Variants in ZNF385D observed in about 807,000 individuals in gnomAD.
The protein encoded by ZNF385D is zinc finger protein 659.
In ZNF385D, 15 loss-of-function variants were observed where a neutral mutation model predicts 35.8. That is an observed-to-expected ratio of 0.42 (90% CI 0.28 to 0.64). ZNF385D has a LOEUF of 0.64. Among genes scored for constraint, ZNF385D ranks in the 30% least tolerant of loss-of-function variants. The pLI is 0.23. For missense variants in ZNF385D, 474 were observed against 494.6 expected (o/e 0.96, Z 0.39); for synonymous variants, 212 against 186.8 (o/e 1.13, Z -1.10).
At chr3:22,008,786 T>C (rs920419944) in intron 3 of ZNF385D, among the ~76,000 whole-genome samples, 3 of 152,308 alleles carry the variant, frequency 2.0e-5, no homozygotes, top group African/African-American at 7.2e-5. Context: ...GAGAAATGTA[T>C]AGAACCAAAC....
At chr3:22,172,868 A>C (rs758941247) in intron 2 of ZNF385D, among the ~76,000 whole-genome samples, 4 of 152,216 alleles carry the variant, frequency 2.6e-5, no homozygotes, top group Non-Finnish European at 5.9e-5. Context: ...GGGATAGGGC[A>C]CAACACTCTT....
At position 21,587,988 on chromosome 3, in the gene ZNF385D, C is replaced by T. The variant is rs574544145; in HGVS notation, c.166-23304G>A. On this transcript the variant is annotated intron_variant, in intron 2 of 7. Coordinates refer to ENST00000281523, the MANE Select transcript of ZNF385D (RefSeq NM_024697.3). ...CTCCTTTGGATGCCCAATTTTAGTG[C>T]CCATCAGTTTATAATGACTACATTA... Among the ~76,000 whole-genome samples the T allele has an allele frequency of 1.1e-4, 16 of 152,162 alleles. No homozygotes were observed. The South Asian group carries it at 3.3e-3, about 32-fold the overall frequency.
intron 3 of ZNF385D, among the ~76,000 whole-genome samples, chr3:22,159,818 T>G (rs931948946): frequency 6.6e-6 from 1 of 152,102 alleles, no homozygotes; most frequent in African/African-American, 2.4e-5. Context: ...ATCTGCATTT[T>G]TTCATGGCCT....
chr3:21,913,830 C>T (rs1254166079), intron 3 of ZNF385D, among the ~76,000 whole-genome samples: 1 of 152,034 alleles, frequency 6.6e-6, no homozygotes, highest in Non-Finnish European at 1.5e-5. Flanking sequence ...AGATCCATGC[C>T]TCATAATGAT....
At chr3:21,450,024 G>A (rs1049866274) in intron 4 of ZNF385D, among the ~76,000 whole-genome samples, 2 of 152,194 alleles carry the variant, frequency 1.3e-5, no homozygotes, top group African/African-American at 4.8e-5. Context: ...GAAGAAAAAG[G>A]TCCCAGGGTA....
intron 3 of ZNF385D, among the ~76,000 whole-genome samples, chr3:22,038,463 T>G (rs372324004): frequency 6.6e-6 from 1 of 152,232 alleles, no homozygotes; most frequent in Admixed American, 6.5e-5. Flanking sequence ...AAATGATATA[T>G]GCAATAGTTA....
At chr3:21,874,862 C>G (rs1156502360) in intron 3 of ZNF385D, among the ~76,000 whole-genome samples, 1 of 152,048 alleles carries the variant, frequency 6.6e-6, no homozygotes, top group Non-Finnish European at 1.5e-5. Context: ...AATTCATGAA[C>G]ATGAGATGCA....
intron 3 of ZNF385D, among the ~76,000 whole-genome samples, chr3:22,034,969 G>A (rs924088253): frequency 8.6e-5 from 13 of 151,956 alleles, no homozygotes; most frequent in African/African-American, 3.1e-4. Flanking sequence ...CATATCAATA[G>A]GAAAAATTTA....
At position 21,424,077 on chromosome 3, in the gene ZNF385D, A is replaced by G; in HGVS notation, c.853-13T>C. ...TACTGCTAATGTGCTATTAAAAGTAATTTAAAATGACAGCTTTAAAAAAAT... is the reference window on the plus strand; with the variant it reads ...TACTGCTAATGTGCTATTAAAAGTAGTTTAAAATGACAGCTTTAAAAAAAT... On this transcript the variant is annotated splice_polypyrimidine_tract_variant and intron_variant, in intron 6 of 7. Coordinates refer to ENST00000281523, the MANE Select transcript of ZNF385D (RefSeq NM_024697.3). 2 of 1,547,102 alleles carry G rather than the reference A, an allele frequency of 1.3e-6. No homozygotes were observed. Among genetic ancestry groups the G allele is most frequent in the South Asian group, 1.3e-5 (1 of 79,768 alleles).
At chr3:22,036,810 C>T (rs1189971916) in intron 3 of ZNF385D, among the ~76,000 whole-genome samples, 1 of 150,690 alleles carries the variant, frequency 6.6e-6, no homozygotes, top group Non-Finnish European at 1.5e-5. Flanking sequence ...GTGCTGTACC[C>T]ATTAACTCGT....
rs115694002 is a variant in ZNF385D, at chr3:22,072,063, G to A, written c.325+96754C>T. ...GTAATACCCACCATGTATGTTTATTGTAGCATTACTTTCATTTATCCATAT... is the reference window on the plus strand; with the variant it reads ...GTAATACCCACCATGTATGTTTATTATAGCATTACTTTCATTTATCCATAT... On this transcript the variant is annotated intron_variant, in intron 3 of 5. Transcript: ENST00000494108. 6.8e-3 allele frequency among the ~76,000 whole-genome samples: 1,032 copies of A among 152,154 alleles called. 15 individuals are homozygous for A. The highest frequency in any genetic ancestry group is 0.023 in the African/African-American group (970 of 41,516).
intron 2 of ZNF385D, among the ~76,000 whole-genome samples, chr3:22,217,978 T>G: frequency 6.6e-6 from 1 of 152,288 alleles, no homozygotes; most frequent in African/African-American, 2.4e-5. Context: ...GGTTCTCTTT[T>G]ACCTATAGGT....
chr3:22,001,690 A>G (rs944859923), intron 3 of ZNF385D, among the ~76,000 whole-genome samples: 3 of 152,094 alleles, frequency 2.0e-5, no homozygotes, highest in Non-Finnish European at 4.4e-5. Flanking sequence ...TCATTAGCAT[A>G]GGAAACATTC....
intron 3 of ZNF385D, among the ~76,000 whole-genome samples, chr3:21,787,383 A>G (rs2071733609): frequency 6.6e-6 from 1 of 152,204 alleles, no homozygotes; most frequent in Non-Finnish European, 1.5e-5. Flanking sequence ...AGAAGTGAAG[A>G]GCTAAAACAA....
At chr3:21,892,726 ACCTC>A (rs1698935780) in intron 3 of ZNF385D, among the ~76,000 whole-genome samples, 1 of 152,120 alleles carries the variant, frequency 6.6e-6, no homozygotes, top group Admixed American at 6.5e-5. Flanking sequence ...TACTTCTTTT[ACCTC>A]AATTGGTCTA....
chr3:21,997,808 C>T (rs1454307020), intron 3 of ZNF385D, among the ~76,000 whole-genome samples: 1 of 151,804 alleles, frequency 6.6e-6, no homozygotes. Flanking sequence ...CTCAAAGTCT[C>T]TGGATAGAAT....
chr3:22,031,473 T>C (rs1201751447), intron 3 of ZNF385D, among the ~76,000 whole-genome samples: 2 of 152,248 alleles, frequency 1.3e-5, no homozygotes, highest in African/African-American at 4.8e-5. Flanking sequence ...GCTTGGGTCT[T>C]GCACCCTTTG....
intron 2 of ZNF385D, among the ~76,000 whole-genome samples, chr3:22,191,188 G>A (rs1473506036): frequency 6.8e-6 from 1 of 147,886 alleles, no homozygotes; most frequent in Non-Finnish European, 1.5e-5. Context: ...GTGCCATATT[G>A]ACCTTATAAG....
At chr3:22,341,492 T>G (rs1695417797) in intron 2 of ZNF385D, among the ~76,000 whole-genome samples, 3 of 152,198 alleles carry the variant, frequency 2.0e-5, no homozygotes, top group Non-Finnish European at 2.9e-5. Context: ...TCTCCATATA[T>G]TCTCTTCTGA....
Sources: allele counts gnomAD v4.1 joint callset (sites outside exome capture counted in the v4.1 genomes callset), GRCh38; gene constraint gnomAD v4.1.1; transcripts MANE v1.5; gene names NCBI Gene and HGNC (gene_info 2026-07-23, HGNC 2026-07-21).